AQR: variants seen among roughly 807,000 people sequenced by gnomAD.
AQR encodes aquarius intron-binding spliceosomal factor.
A neutral mutation model predicts 180.5 loss-of-function variants in AQR; 61 were observed. The ratio of observed to expected loss-of-function variants is 0.34; its 90% CI spans 0.28 to 0.42. The LOEUF (loss-of-function observed/expected upper bound fraction) is 0.42, where lower values mean the gene tolerates loss of function less well. AQR is among the 10% of genes least tolerant of loss of function. AQR has a pLI of 1.00. For missense variants in AQR, 1,281 were observed against 1,798.3 expected, an observed-to-expected ratio of 0.71 and a Z score of 5.20; for synonymous variants, 551 against 588.8, an observed-to-expected ratio of 0.94 and a Z score of 0.93.
intron 7 of AQR, 120 bp from the exon 8 acceptor site, chr15:34,941,119 C>A: frequency 1.8e-6 from 1 of 567,280 alleles, no homozygotes. Context: ...TCTGATAAAA[C>A]CTGAAAATAA....
chr15:34,961,486 T>C (rs1393478011), intron 2 of AQR, among the ~76,000 whole-genome samples: 1 of 151,812 alleles, frequency 6.6e-6, no homozygotes, highest in African/African-American at 2.4e-5. Context: ...GGCGCACACC[T>C]GCAGTCCCAA....
intron 6 of AQR, among the ~76,000 whole-genome samples, 182 bp from the exon 7 acceptor site, chr15:34,942,262 C>CGA (rs1034210745): frequency 1.6e-3 from 245 of 152,260 alleles, no homozygotes; most frequent in African/African-American, 5.6e-3. Context: ...TTATTATCTA[C>CGA]AGATTTTGTA....
rs1177449998 is a variant in AQR, at chr15:34,854,074, A to G, written c.*2718T>C. 6.6e-6 allele frequency: 1 copy of G among 151,950 alleles called. No homozygotes were observed. Among genetic ancestry groups the G allele is most frequent in the Admixed American group, 6.6e-5 (1 of 15,252 alleles). 9.4% of individuals were successfully genotyped at this position (151,950 alleles called of 1,614,324 possible). On this transcript the variant is annotated 3_prime_UTR_variant, in exon 35 of 35. Transcript: ENST00000156471. ...ACTTTGGGAGTCTTGATGATGTTTA[A>G]ATCTTCTCATTCATTTGCCTAAATC...
At position 34,893,181 on chromosome 15, in the gene AQR, C is replaced by T. The variant is rs144249136; in HGVS notation, c.2571+482G>A. On this transcript the variant is annotated intron_variant, in intron 23 of 34. Coordinates refer to ENST00000156471, the MANE Select transcript of AQR (RefSeq NM_014691.3). ...TACTTCTGCAGGTGGGTGCTACCTG[C>T]GTCAGTCACGTTTGCCAAGAGCACA... is the stretch of plus-strand genomic sequence containing the variant. Among the ~76,000 whole-genome samples, 11 of 152,224 alleles carry T rather than the reference C, an allele frequency of 7.2e-5. No homozygotes were observed. The East Asian group carries it at 1.7e-3, about 24-fold the overall frequency.
rs1296353523 is a variant in AQR at position 34,852,021 on chromosome 15, C to T, written c.*4771G>A. ...ACACTACGACATTTTGTACAAATCA[C>T]TTCACTTCTGGTTTCCTCTTCGGCT... On this transcript the variant is annotated 3_prime_UTR_variant, in exon 35 of 35. Transcript: ENST00000156471. 6.6e-6 allele frequency: 1 copy of T among 152,134 alleles called. No individual in the cohort carries two copies. Among genetic ancestry groups the T allele is most frequent in the Non-Finnish European group, 1.5e-5 (1 of 68,012 alleles). 9.4% of individuals were successfully genotyped at this position (152,134 alleles called of 1,614,324 possible).
chr15:34,946,008 T>C (rs1314195554), intron 5 of AQR, among the ~76,000 whole-genome samples: 2 of 152,202 alleles, frequency 1.3e-5, no homozygotes, highest in Admixed American at 6.5e-5. Context: ...CAGTGACTCA[T>C]GCCTGTAATC....
chr15:34,857,498 C>G (rs1394070321), intron 34 of AQR, among the ~76,000 whole-genome samples: 1 of 151,606 alleles, frequency 6.6e-6, no homozygotes, highest in Non-Finnish European at 1.5e-5. Context: ...GGTGGCATTC[C>G]CGGCACTTTG....
intron 30 of AQR, among the ~76,000 whole-genome samples, chr15:34,871,604 ATACCCAGTT>A (rs1465564904): frequency 1.3e-5 from 2 of 152,148 alleles, no homozygotes; most frequent in African/African-American, 2.4e-5. Flanking sequence ...AGCCAATACA[ATACCCAGTT>A]TAATAGCAAA....
intron 16 of AQR, 54 bp downstream of exon 16, chr15:34,914,984 G>GT: frequency 6.6e-7 from 1 of 1,517,470 alleles, no homozygotes; most frequent in Non-Finnish European, 8.8e-7. Flanking sequence ...TCTGACAGAA[G>GT]TTTATCAGTC....
chr15:34,964,268 G>A lies in AQR; in HGVS notation c.98C>T (p.Pro33Leu). 1 of 1,608,426 alleles carries A rather than the reference G, an allele frequency of 6.2e-7. No individual in the cohort carries two copies. The highest frequency in any genetic ancestry group is 1.1e-5 in the South Asian group (1 of 90,302). ...AAAAGGTGATTTCTTCTTGATGTGGGGAGCCCAGTATTTACATGCTAACTG... is the reference window on the plus strand; with the variant it reads ...AAAAGGTGATTTCTTCTTGATGTGGAGAGCCCAGTATTTACATGCTAACTG... ...VTQLACKYWA[P>L]HIKKKSPFDI... The change falls in exon 2 of 35, where the codon CCC becomes CTC. Residue 33 changes from proline to leucine, a missense_variant. Around this residue, in one of 9 missense-constraint regions of AQR, gnomAD observed 404 missense variants for 490.9 expected, o/e 0.82. Coordinates refer to ENST00000156471, the MANE Select transcript of AQR (RefSeq NM_014691.3).
Position 34,969,673 on chromosome 15 carries a change from C to A in AQR, c.-60G>T. 1.9e-6 allele frequency: 3 copies of A among 1,554,216 alleles called. No homozygotes were observed. Among genetic ancestry groups the A allele is most frequent in the South Asian group, 1.2e-5 (1 of 86,942 alleles). ...AAGGACCGCTCTGGGCAGCGGCAAC[C>A]CTGGTCCACTTCCCTTAAGTTACTG... On this transcript the variant is annotated 5_prime_UTR_variant, in exon 1 of 35. Transcript: ENST00000156471.
chr15:34,949,300 A>ACTGGGC (rs1281167978), intron 4 of AQR, among the ~76,000 whole-genome samples: 5 of 49,066 alleles, frequency 1.0e-4, no homozygotes, highest in Non-Finnish European at 5.1e-4. Context: ...TGGGCCTTTA[A>ACTGGGC]CTTTAAGGCT....
chr15:34,952,427 A>T (rs948869775), intron 4 of AQR, among the ~76,000 whole-genome samples: 2 of 152,234 alleles, frequency 1.3e-5, no homozygotes, highest in African/African-American at 4.8e-5. Context: ...TTTTCAGCAT[A>T]CTGGCTACAT....
chr15:34,890,172 A>T, intron 24 of AQR, 43 bp downstream of exon 24: 1 of 1,502,854 alleles, frequency 6.7e-7, no homozygotes, highest in Non-Finnish European at 9.0e-7. Context: ...AAAAGAAAAT[A>T]AAAAATCCTT....
intron 27 of AQR, among the ~76,000 whole-genome samples, chr15:34,878,304 T>G (rs964890481): frequency 6.9e-6 from 1 of 145,486 alleles, no homozygotes; most frequent in Admixed American, 7.1e-5. Context: ...TAGAAGTGTT[T>G]GAACCCAAGA....
intron 28 of AQR, 139 bp downstream of exon 28, chr15:34,875,796 A>C: frequency 5.1e-6 from 3 of 590,012 alleles, no homozygotes; most frequent in Non-Finnish European, 8.9e-6. Flanking sequence ...ACAGGCTTAA[A>C]ATAGAATACC....
At chr15:34,933,487 T>C (rs115772819) in intron 10 of AQR, among the ~76,000 whole-genome samples, 3 of 151,828 alleles carry the variant, frequency 2.0e-5, no homozygotes, top group African/African-American at 7.3e-5. Flanking sequence ...ATCTTTATTT[T>C]AAAAAATTGA....
Position 34,938,729 on chromosome 15 carries a change from G to C in AQR, c.718+8C>G. Reference sequence around the variant, plus strand: ...TTTCACAAATGCACTGAGTAAAAAAGAAGATACCAGAAAGTGGGACTGATT... The same window carrying C: ...TTTCACAAATGCACTGAGTAAAAAACAAGATACCAGAAAGTGGGACTGATT... On this transcript the variant is annotated splice_region_variant and intron_variant, in intron 9 of 34. Transcript: ENST00000156471. The C allele has an allele frequency of 7.2e-7, 1 of 1,397,452 alleles. No individual in the cohort carries two copies. Among genetic ancestry groups the C allele is most frequent in the South Asian group, 1.2e-5 (1 of 82,050 alleles). The allele number at this position is 1,397,452 out of a possible 1,614,324, so 86.6% of individuals were successfully genotyped here.
At chr15:34,908,091 C>G (rs1893445494) in intron 17 of AQR, among the ~76,000 whole-genome samples, 1 of 152,112 alleles carries the variant, frequency 6.6e-6, no homozygotes, top group South Asian at 2.1e-4. Flanking sequence ...AGGTTCACAC[C>G]TTTTCAAAGG....
Sources: gnomAD v4.1 joint callset for allele counts (sites outside exome capture counted in the v4.1 genomes callset) on GRCh38, gnomAD v4.1.1 for gene constraint, gnomAD v4.1.1 regional missense constraint, MANE v1.5 for transcripts, NCBI Gene and HGNC (gene_info 2026-07-23, HGNC 2026-07-21) for gene names.